The following PCNA variants were observed in gnomAD, a reference collection of about 807,000 sequenced individuals.
PCNA encodes proliferating cell nuclear antigen, also known as DNA sliding clamp PCNA.
In PCNA, 4 loss-of-function variants were observed where a neutral mutation model predicts 27.8. The observed-to-expected ratio is 0.14, with a 90% CI of 0.07 to 0.33. PCNA has a LOEUF of 0.33. PCNA is among the 10% of genes least tolerant of loss of function. PCNA has a pLI of 1.00. For missense variants in PCNA, 165 were observed against 327.4 expected, an observed-to-expected ratio of 0.50 and a Z score of 3.83; for synonymous variants, 121 against 119.4, an observed-to-expected ratio of 1.01 and a Z score of -0.09.
Position 5,118,599 on chromosome 20 carries a change from C to A in PCNA, c.387+11G>T. Reference sequence around the variant, plus strand: ...GTACAGCACTCTCTACAATGAGAAACTGATACTCACTGGAATTCCAAGTTG... The same window carrying A: ...GTACAGCACTCTCTACAATGAGAAAATGATACTCACTGGAATTCCAAGTTG... On this transcript the variant is annotated intron_variant, in intron 3 of 5. Transcript: ENST00000379143. The A allele has an allele frequency of 6.3e-7, 1 of 1,576,622 alleles. No homozygotes were observed. Among genetic ancestry groups the A allele is most frequent in the Non-Finnish European group, 8.7e-7 (1 of 1,147,122 alleles).
chr20:5,118,929 C>T, intron 1 of PCNA, 63 bp from the exon 2 acceptor site: 2 of 1,194,776 alleles, frequency 1.7e-6, no homozygotes, highest in South Asian at 1.3e-5. Flanking sequence ...GTATTTCGAA[C>T]GCGGTTAGAA....
upstream of PCNA, chr20:5,119,987 AC>A (rs1160557621): frequency 3.4e-6 from 2 of 595,022 alleles, no homozygotes; most frequent in Non-Finnish European, 6.0e-6. Context: ...GCGCGCTCTC[AC>A]CCTGCGCCGC....
chr20:5,121,900 C>T (rs2090520517), upstream of PCNA, among the ~76,000 whole-genome samples: 1 of 152,088 alleles, frequency 6.6e-6, no homozygotes, highest in South Asian at 2.1e-4. Context: ...TGTGAGATTA[C>T]AGGCATGAGC....
chr20:5,116,130 T>G (rs1006739819), intron 4 of PCNA, among the ~76,000 whole-genome samples: 1 of 152,208 alleles, frequency 6.6e-6, no homozygotes, highest in Non-Finnish European at 1.5e-5. Context: ...TGATCTAATT[T>G]CTTCAACAAA....
At chr20:5,116,618 GATT>G (rs985731607) in intron 4 of PCNA, among the ~76,000 whole-genome samples, 25 of 152,246 alleles carry the variant, frequency 1.6e-4, no homozygotes, top group African/African-American at 4.8e-4. Context: ...CTTTGTCCTT[GATT>G]TACAAAGTTT....
At position 5,114,971 on chromosome 20, in the gene PCNA, T is replaced by A; in HGVS notation, c.*312A>T. The A allele has an allele frequency of 4.2e-6, 1 of 237,520 alleles. No homozygotes were observed. Among genetic ancestry groups the A allele is most frequent in the Non-Finnish European group, 8.4e-6 (1 of 119,168 alleles). The allele number at this position is 237,520 out of a possible 1,614,324, so 14.7% of individuals were successfully genotyped here. ...TGCCCTGTGATGTTTGAAATTCAAGTAACTTTATTTAAATTCAAAAACAAT... is the reference window on the plus strand; with the variant it reads ...TGCCCTGTGATGTTTGAAATTCAAGAAACTTTATTTAAATTCAAAAACAAT... On this transcript the variant is annotated 3_prime_UTR_variant, in exon 6 of 6. Transcript: ENST00000379143.
upstream of PCNA, among the ~76,000 whole-genome samples, chr20:5,122,427 C>T (rs541940582): frequency 6.6e-6 from 1 of 152,298 alleles, no homozygotes; most frequent in East Asian, 1.9e-4. Flanking sequence ...TGCTGTTTTT[C>T]TGTATAATAT....
At chr20:5,126,002 G>A (rs1461996629) in intron 1 of PCNA, among the ~76,000 whole-genome samples, 6 of 152,230 alleles carry the variant, frequency 3.9e-5, no homozygotes, top group African/African-American at 1.4e-4. Flanking sequence ...GGAAGGCGGA[G>A]GCGGACGGAT....
chr20:5,122,918 G>GT (rs1423349766), upstream of PCNA, among the ~76,000 whole-genome samples: 1 of 152,182 alleles, frequency 6.6e-6, no homozygotes, highest in Non-Finnish European at 1.5e-5. Flanking sequence ...CCTCCTAAAA[G>GT]TGTCAAATGA....
intron 4 of PCNA, 55 bp downstream of exon 4, chr20:5,117,415 A>G: frequency 3.4e-6 from 4 of 1,180,684 alleles, no homozygotes; most frequent in Non-Finnish European, 4.8e-6. Flanking sequence ...TTAACCTAAT[A>G]AGCAGTATTA....
upstream of PCNA, among the ~76,000 whole-genome samples, chr20:5,124,023 G>T (rs1394947039): frequency 6.6e-6 from 1 of 152,208 alleles, no homozygotes; most frequent in East Asian, 1.9e-4. Flanking sequence ...CCACTGTCCA[G>T]TCCTAGTCTT....
chr20:5,119,922 G>T lies in PCNA; in HGVS notation c.-124C>A. 2 of 720,136 alleles carry T rather than the reference G, an allele frequency of 2.8e-6. No homozygotes were observed. Among genetic ancestry groups the T allele is most frequent in the Non-Finnish European group, 4.7e-6 (2 of 425,800 alleles). The allele number at this position is 720,136 out of a possible 1,614,324, so 44.6% of individuals were successfully genotyped here. Reference sequence around the variant, plus strand: ...GCGACGACCGGCTGAGACCTAGAAAGACAACGACCACTCTGCTACGCCTGC... The same window carrying T: ...GCGACGACCGGCTGAGACCTAGAAATACAACGACCACTCTGCTACGCCTGC... On this transcript the variant is annotated 5_prime_UTR_variant, in exon 1 of 6. Coordinates refer to ENST00000379143, the MANE Select transcript of PCNA (RefSeq NM_182649.2).
chr20:5,121,150 C>G (rs1048662020), upstream of PCNA, among the ~76,000 whole-genome samples: 1 of 152,136 alleles, frequency 6.6e-6, no homozygotes, highest in Admixed American at 6.5e-5. Context: ...ACAGGATGGA[C>G]AGGATTTGTT....
chr20:5,118,494 G>T (rs1437160865), intron 3 of PCNA, 116 bp downstream of exon 3: 1 of 719,876 alleles, frequency 1.4e-6, no homozygotes, highest in Non-Finnish European at 2.4e-6. Context: ...TGGCACTACT[G>T]CACTCCAGCC....
intron 4 of PCNA, among the ~76,000 whole-genome samples, chr20:5,117,040 T>C (rs958851424): frequency 6.6e-6 from 1 of 152,204 alleles, no homozygotes. Context: ...GGGCTACCAA[T>C]TGGACCCACA....
chr20:5,118,967 G>A (rs192462273), intron 1 of PCNA, 101 bp from the exon 2 acceptor site: 3 of 748,600 alleles, frequency 4.0e-6, no homozygotes, highest in African/African-American at 1.7e-5. Context: ...CCATCAGGCC[G>A]TCTCAGAACT....
chr20:5,120,750 A>C (rs1297392728), upstream of PCNA, among the ~76,000 whole-genome samples: 1 of 152,150 alleles, frequency 6.6e-6, no homozygotes, highest in East Asian at 1.9e-4. Context: ...TGGTGATATC[A>C]ACTCCTTGAA....
At position 5,119,711 on chromosome 20, in the gene PCNA, T is replaced by C. The variant is rs1405211018; in HGVS notation, c.88A>G (p.Ile30Val). The C allele has an allele frequency of 1.9e-6, 3 of 1,604,652 alleles. No homozygotes were observed. The highest frequency in any genetic ancestry group is 2.6e-6 in the Non-Finnish European group (3 of 1,175,876). Reference sequence around the variant, plus strand: ...TGCAGGTTTACACCGCTGGAGCTAATATCCCAGCAGGCCTCGTTGATGAGG... The same window carrying C: ...TGCAGGTTTACACCGCTGGAGCTAACATCCCAGCAGGCCTCGTTGATGAGG... The part of the protein sequence containing the change: ...KDLINEACWD[I>V]SSSGVNLQSM... Residue 30 changes from isoleucine (I) to valine (V), a missense_variant, in exon 1 of 6, where the codon ATT becomes GTT. By Grantham distance (29) the Ile-to-Val change is conservative (BLOSUM62 3). Transcript: ENST00000379143.
intron 1 of PCNA, among the ~76,000 whole-genome samples, chr20:5,126,287 A>C (rs2090547899): frequency 6.6e-6 from 1 of 152,214 alleles, no homozygotes; most frequent in African/African-American, 2.4e-5. Flanking sequence ...CTTCCAAGCC[A>C]TGTGTGGATT....
Sources: allele counts gnomAD v4.1 joint callset (sites outside exome capture counted in the v4.1 genomes callset), GRCh38; gene constraint gnomAD v4.1.1; transcripts MANE v1.5; gene names NCBI Gene and HGNC (gene_info 2026-07-23, HGNC 2026-07-21).